The following SMARCA2 variants were observed in gnomAD, a reference collection of about 807,000 sequenced individuals.
The protein encoded by SMARCA2 is SWI/SNF related BAF chromatin remodeling complex subunit ATPase 2, also known as SWI/SNF-related matrix-associated actin-dependent regulator of chromatin subfamily A member 2.
Under a neutral mutation model 199.8 loss-of-function variants are expected in SMARCA2, and 61 were observed. That is an observed-to-expected ratio of 0.31 (90% confidence interval 0.25 to 0.38). The LOEUF (loss-of-function observed/expected upper bound fraction) is 0.38. Among genes scored for constraint, SMARCA2 ranks in the 10% least tolerant of loss-of-function variants. The pLI, the probability that SMARCA2 is intolerant of heterozygous loss-of-function variation, is 1.00. For missense variants in SMARCA2, 1,344 were observed against 2,012.2 expected (o/e 0.67, Z 6.35); for synonymous variants, 935 against 732.0 (o/e 1.28, Z -4.48).
At chr9:2,047,941 G>A (rs1284442947) in intron 5 of SMARCA2, 1 of 152,216 alleles carries the variant, frequency 6.6e-6, no homozygotes, top group Non-Finnish European at 1.5e-5. Flanking sequence ...CTTTATACAA[G>A]GTCTATACTT....
chr9:2,150,235 T>G (rs1265736893), intron 27 of SMARCA2, among the ~76,000 whole-genome samples: 2 of 151,636 alleles, frequency 1.3e-5, no homozygotes, highest in African/African-American at 4.8e-5. Flanking sequence ...TAATGCTACC[T>G]TATGACCTAT....
Position 2,069,732 on chromosome 9 carries a change from G to A in SMARCA2, c.1693-686G>A, listed in dbSNP as rs189958329. ...TTTTATATTATGTTTTTATGCCCAT[G>A]GAGTGGGTCATAGCTTATTCTTTTT... On this transcript the variant is annotated intron_variant, in intron 9 of 33. Coordinates refer to ENST00000349721, the MANE Select transcript of SMARCA2 (RefSeq NM_003070.5). Among the ~76,000 whole-genome samples the A allele has an allele frequency of 2.3e-3, 353 of 152,272 alleles. 1 individual carries two copies. The highest frequency in any genetic ancestry group is 7.9e-3 in the African/African-American group (327 of 41,554).
intron 16 of SMARCA2, 69 bp downstream of exon 16, chr9:2,083,482 A>G (rs1050363307): frequency 5.3e-6 from 5 of 941,368 alleles, no homozygotes; most frequent in South Asian, 2.8e-5. Flanking sequence ...TTCATTCCAT[A>G]TGCACATCTG....
chr9:2,187,832 A>T (rs1192260144), intron 32 of SMARCA2, among the ~76,000 whole-genome samples: 10 of 152,158 alleles, frequency 6.6e-5, no homozygotes. Context: ...TAATCCTAGC[A>T]CTTTGGGAAG....
chr9:2,100,617 G>A (rs986335069), intron 21 of SMARCA2, among the ~76,000 whole-genome samples: 5 of 151,900 alleles, frequency 3.3e-5, no homozygotes, highest in South Asian at 2.1e-4. Flanking sequence ...CAGGAGAATC[G>A]CTTGAACCTG....
chr9:2,150,864 G>A (rs1400765579), intron 27 of SMARCA2, among the ~76,000 whole-genome samples: 2 of 151,398 alleles, frequency 1.3e-5, no homozygotes, highest in East Asian at 1.9e-4. Context: ...GTATGTATGC[G>A]GGGTTGTTCC....
intron 3 of SMARCA2, among the ~76,000 whole-genome samples, chr9:2,034,348 C>A (rs78621972): frequency 6.6e-6 from 1 of 151,678 alleles, no homozygotes; most frequent in East Asian, 1.9e-4. Flanking sequence ...CAATTCAACT[C>A]ACAACAATGG....
intron 26 of SMARCA2, among the ~76,000 whole-genome samples, chr9:2,120,595 G>A (rs1322173869): frequency 6.6e-6 from 1 of 152,210 alleles, no homozygotes; most frequent in Non-Finnish European, 1.5e-5. Flanking sequence ...AGCCTAGACA[G>A]AATGGAACTC....
At chr9:2,085,399 A>G (rs559096646) in intron 17 of SMARCA2, among the ~76,000 whole-genome samples, 1 of 152,374 alleles carries the variant, frequency 6.6e-6, no homozygotes, top group African/African-American at 2.4e-5. Flanking sequence ...AGAAAGAGGT[A>G]GTAATTTTGT....
chr9:2,133,419 CTACGGG>C (rs1824052394), intron 27 of SMARCA2, among the ~76,000 whole-genome samples: 1 of 151,882 alleles, frequency 6.6e-6, no homozygotes, highest in Non-Finnish European at 1.5e-5. Flanking sequence ...GTAGCTGAGA[CTACGGG>C]TACGCACCGC....
At chr9:2,165,905 A>G (rs1157077346) in intron 28 of SMARCA2, among the ~76,000 whole-genome samples, 1 of 152,194 alleles carries the variant, frequency 6.6e-6, no homozygotes, top group Non-Finnish European at 1.5e-5. Flanking sequence ...CCACAATACA[A>G]GTAAGTCCCC....
chr9:2,175,018 T>TA (rs1315933767), intron 29 of SMARCA2, among the ~76,000 whole-genome samples: 7 of 151,396 alleles, frequency 4.6e-5, no homozygotes, highest in African/African-American at 1.7e-4. Context: ...TGTGGGTTCT[T>TA]ACATTTTGAA....
In SMARCA2 at chr9:2,016,964, C is replaced by G. The variant is rs1818379607; in HGVS notation, c.-37+1560C>G. The G allele has an allele frequency of 6.6e-6, 1 of 152,020 alleles. No individual in the cohort carries two copies. Among genetic ancestry groups the G allele is most frequent in the Admixed American group, 6.5e-5 (1 of 15,282 alleles). The allele number at this position is 152,020 out of a possible 1,614,324, so 9.4% of individuals were successfully genotyped here. On this transcript the variant is annotated intron_variant, in intron 1 of 33. Coordinates refer to ENST00000349721, the MANE Select transcript of SMARCA2 (RefSeq NM_003070.5). The surrounding 1 kb of genome is among the most constrained non-coding windows in gnomAD (Gnocchi z 5.6). ...CTCCGGCCGCAGGGCGCACACGGAG[C>G]ACAGTGCTCCCGGTGCCCCGCACCA...
chr9:2,030,975 C>T (rs1819040303), intron 2 of SMARCA2, among the ~76,000 whole-genome samples: 1 of 152,158 alleles, frequency 6.6e-6, no homozygotes, highest in Non-Finnish European at 1.5e-5. Flanking sequence ...CTGAGATAAA[C>T]AGATAATCTT....
At chr9:2,183,971 G>A (rs781416473) in intron 31 of SMARCA2, among the ~76,000 whole-genome samples, 5 of 152,152 alleles carry the variant, frequency 3.3e-5, no homozygotes, top group East Asian at 1.9e-4. Context: ...GAAATAAGGT[G>A]TCAAGTGGCC....
intron 2 of SMARCA2, among the ~76,000 whole-genome samples, chr9:2,030,484 CAGG>C (rs1819014350): frequency 6.6e-6 from 1 of 150,816 alleles, no homozygotes; most frequent in Admixed American, 6.6e-5. Context: ...AGTCTGAGGG[CAGG>C]AGAAGACCCA....
intron 4 of SMARCA2, chr9:2,045,775 G>C (rs182427949): frequency 1.5e-3 from 225 of 150,262 alleles, no homozygotes; most frequent in African/African-American, 5.3e-3. Context: ...GTATCTTTAG[G>C]AAATGTTTTA....
chr9:2,064,648 C>G (rs1453436605), intron 9 of SMARCA2, among the ~76,000 whole-genome samples: 1 of 152,084 alleles, frequency 6.6e-6, no homozygotes, highest in East Asian at 1.9e-4. Flanking sequence ...TCTTTGAGGA[C>G]AGTGACAGAT....
At chr9:2,173,806 A>T (rs1381458303) in intron 29 of SMARCA2, among the ~76,000 whole-genome samples, 1 of 152,122 alleles carries the variant, frequency 6.6e-6, no homozygotes, top group African/African-American at 2.4e-5. Flanking sequence ...TATTTGACCA[A>T]AGAACCCCCT....
Sources: gnomAD v4.1 joint callset for allele counts (sites outside exome capture counted in the v4.1 genomes callset) on GRCh38, gnomAD v4.1.1 for gene constraint, Gnocchi (gnomAD v3.1) non-coding constraint, MANE v1.5 for transcripts, NCBI Gene and HGNC (gene_info 2026-07-23, HGNC 2026-07-21) for gene names.